The following F2 variants were observed in gnomAD, a reference collection of about 807,000 sequenced individuals.
The protein encoded by F2 is coagulation factor II, thrombin, also known as prothrombin.
A neutral mutation model predicts 81.9 loss-of-function variants in F2; 34 were observed. That is an observed-to-expected ratio of 0.42 (90% confidence interval 0.32 to 0.55). The LOEUF is 0.55. Ranked by LOEUF, F2 falls within the 20% of genes least tolerant of loss-of-function variation. The pLI, the probability that F2 is intolerant of heterozygous loss-of-function variation, is 0.18. For synonymous variants in F2, 296 were observed against 326.4 expected (o/e 0.91, Z 1.01); for missense variants, 630 against 833.4 (o/e 0.76, Z 3.00).
Position 46,728,172 on chromosome 11 carries a change from C to T in F2, c.1298+9C>T, listed in dbSNP as rs750185153. 2 of 1,604,832 alleles carry T rather than the reference C, an allele frequency of 1.2e-6. No individual in the cohort carries two copies. The highest frequency in any genetic ancestry group is 1.3e-5 in the African/African-American group (1 of 74,774). On this transcript the variant is annotated intron_variant, in intron 10 of 13. Transcript: ENST00000311907. The surrounding 1 kb of genome is among the most constrained non-coding windows in gnomAD (Gnocchi z 5.1). Reference sequence around the variant, plus strand: ...AAGCACTCCCGCACCAGGTACAGAACTGGTGGCCCGTGGGTGTCTGGCAGG... The same window carrying T: ...AAGCACTCCCGCACCAGGTACAGAATTGGTGGCCCGTGGGTGTCTGGCAGG...
intron 12 of F2, 142 bp downstream of exon 12, chr11:46,729,703 A>G (rs998400864): frequency 5.7e-6 from 5 of 879,154 alleles, no homozygotes; most frequent in Middle Eastern, 3.3e-4. Context: ...AAATGGAGGT[A>G]AAAGTCTCTA....
Position 46,719,891 on chromosome 11 carries a change from G to T in F2, c.240+29G>T. 1 of 1,550,506 alleles carries T rather than the reference G, an allele frequency of 6.4e-7. No individual in the cohort carries two copies. ...AGCCTGGGCTGCTCGGACGGTGCCGGGGCCTCAGACCGGGCCCAACTCTAG... is the reference window on the plus strand; with the variant it reads ...AGCCTGGGCTGCTCGGACGGTGCCGTGGCCTCAGACCGGGCCCAACTCTAG... On this transcript the variant is annotated intron_variant, in intron 2 of 13. Coordinates refer to ENST00000311907, the MANE Select transcript of F2 (RefSeq NM_000506.5). The surrounding 1 kb of genome is among the most constrained non-coding windows in gnomAD (Gnocchi z 4.7).
intron 2 of F2, chr11:46,720,261 C>A: frequency 1.7e-6 from 1 of 577,892 alleles, no homozygotes; most frequent in South Asian, 2.0e-5. Flanking sequence ...GTCTGTAGGG[C>A]TCTGCCAGGG....
rs199878860 is a variant in F2 at position 46,723,306 on chromosome 11, C to T, written c.422+21C>T. On this transcript the variant is annotated intron_variant, in intron 5 of 13. Coordinates refer to ENST00000311907, the MANE Select transcript of F2 (RefSeq NM_000506.5). The surrounding 1 kb of genome is among the most constrained non-coding windows in gnomAD (Gnocchi z 5.6). ...CCTGAGTGAGTGAGGGGCCGGCCTT[C>T]CCACCATGGGCTGAGAACAGGGAGC... The T allele has an allele frequency of 1.9e-5, 31 of 1,613,546 alleles. No individual in the cohort carries two copies. The Admixed American group carries it at 5.0e-4, about 26-fold the overall frequency.
intron 12 of F2, among the ~76,000 whole-genome samples, chr11:46,734,339 T>G (rs1227332753): frequency 6.6e-6 from 1 of 152,176 alleles, no homozygotes; most frequent in Non-Finnish European, 1.5e-5. Context: ...TCAATTTTTG[T>G]GAGTTCTTCG....
chr11:46,732,947 C>T (rs1177160085), intron 12 of F2, among the ~76,000 whole-genome samples: 1 of 152,174 alleles, frequency 6.6e-6, no homozygotes, highest in Non-Finnish European at 1.5e-5. Flanking sequence ...GATCTGGGTG[C>T]TGGCGTGTGC....
intron 12 of F2, among the ~76,000 whole-genome samples, chr11:46,734,708 G>A (rs965798822): frequency 6.6e-6 from 1 of 152,162 alleles, no homozygotes; most frequent in Admixed American, 6.5e-5. Flanking sequence ...CTACTCAGGA[G>A]ACTGAGGCTG....
chr11:46,739,199 C>G, intron 13 of F2, 66 bp from the exon 14 acceptor site: 2 of 1,613,604 alleles, frequency 1.2e-6, no homozygotes, highest in Non-Finnish European at 1.7e-6. Context: ...AAACAGTTGC[C>G]TGGCAGGGGA....
In F2 at chr11:46,727,412, GTTC is replaced by G. The variant is rs1482406635; in HGVS notation, c.1131-579_1131-577del. ...CGCACAGCTAATGGGTTTGAATCCA[GTTC>G]TTCTGATTCCAGAGCTGTGCTACGC... On this transcript the variant is annotated intron_variant, in intron 9 of 13. Coordinates refer to ENST00000311907, the MANE Select transcript of F2 (RefSeq NM_000506.5). Among the ~76,000 whole-genome samples, 11 of 152,344 alleles carry G rather than the reference GTTC, an allele frequency of 7.2e-5. No individual in the cohort carries two copies. The South Asian group carries it at 2.3e-3, about 32-fold the overall frequency.
At position 46,729,465 on chromosome 11, in the gene F2, C is replaced by CCT; in HGVS notation, c.1559_1560insTC (p.Ser521ProfsTer7). ...GACAGCCAACGTTGGTAAGGGGCAGCCCAGTGTCCTGCAGGTGGTGAACCT... is the reference window on the plus strand; with the variant it reads ...GACAGCCAACGTTGGTAAGGGGCAGCCTCCAGTGTCCTGCAGGTGGTGAACCT... On this transcript the variant is annotated frameshift_variant, in exon 12 of 14. Coordinates refer to ENST00000311907, the MANE Select transcript of F2 (RefSeq NM_000506.5). LOFTEE classifies it high-confidence loss of function. 2 of 1,614,130 alleles carry CCT rather than the reference C, an allele frequency of 1.2e-6. No individual in the cohort carries two copies. Among genetic ancestry groups the CCT allele is most frequent in the Non-Finnish European group, 1.7e-6 (2 of 1,180,010 alleles).
At chr11:46,732,072 C>T (rs1204131519) in intron 12 of F2, among the ~76,000 whole-genome samples, 9 of 151,806 alleles carry the variant, frequency 5.9e-5, no homozygotes, top group Admixed American at 5.9e-4. Flanking sequence ...TGTGCCACCA[C>T]ACCCAGCTAA....
At chr11:46,733,942 C>T (rs1170148156) in intron 12 of F2, among the ~76,000 whole-genome samples, 3 of 151,492 alleles carry the variant, frequency 2.0e-5, no homozygotes, top group African/African-American at 7.3e-5. Context: ...GCGCGAGTCA[C>T]CATGCCCGCT....
chr11:46,727,548 C>G (rs1489238388), intron 9 of F2, among the ~76,000 whole-genome samples: 1 of 152,016 alleles, frequency 6.6e-6, no homozygotes, highest in Admixed American at 6.6e-5. Flanking sequence ...GAGGCCAAGA[C>G]AGGAAGATCA....
intron 12 of F2, 80 bp from the exon 13 acceptor site, chr11:46,738,968 C>A (rs1422480277): frequency 6.9e-7 from 1 of 1,442,620 alleles, no homozygotes; most frequent in South Asian, 1.1e-5. Flanking sequence ...TAAGTGGACT[C>A]TCACCAGCTG....
At position 46,735,442 on chromosome 11, in the gene F2, A is replaced by C. The variant is rs976906140; in HGVS notation, c.1655-3606A>C. 3.7e-4 allele frequency among the ~76,000 whole-genome samples: 56 copies of C among 151,750 alleles called. 1 individual carries two copies. The highest frequency in any genetic ancestry group is 1.5e-5 in the Non-Finnish European group (1 of 67,954). On this transcript the variant is annotated intron_variant, in intron 12 of 13. Coordinates refer to ENST00000311907, the MANE Select transcript of F2 (RefSeq NM_000506.5). ...GCGACAGAGCAAGACTCCATCTCAA[A>C]AAAAAAAGGAAAAAGAAAATATTTT...
rs1008842166 is a variant in F2, at chr11:46,726,385, C to T, written c.875-113C>T. On this transcript the variant is annotated intron_variant, in intron 7 of 13. Coordinates refer to ENST00000311907, the MANE Select transcript of F2 (RefSeq NM_000506.5). The surrounding 1 kb of genome is among the most constrained non-coding windows in gnomAD (Gnocchi z 5.9). ...GCCTAGTAGCCCAACTGTGCATGCACGCTTAACCTCTGCACCAAATGGCCT... is the reference window on the plus strand; with the variant it reads ...GCCTAGTAGCCCAACTGTGCATGCATGCTTAACCTCTGCACCAAATGGCCT... The T allele has an allele frequency of 2.8e-5, 43 of 1,538,362 alleles. No homozygotes were observed. Among genetic ancestry groups the T allele is most frequent in the South Asian group, 6.0e-5 (5 of 83,680 alleles).
rs1160117677 is a variant in F2 at position 46,739,429 on chromosome 11, C to T, written c.*21C>T. The T allele has an allele frequency of 1.2e-6, 2 of 1,613,862 alleles. No homozygotes were observed. The highest frequency in any genetic ancestry group is 1.7e-6 in the Non-Finnish European group (2 of 1,179,938). On this transcript the variant is annotated 3_prime_UTR_variant, in exon 14 of 14. Coordinates refer to ENST00000311907, the MANE Select transcript of F2 (RefSeq NM_000506.5). ...AGTAGGGGGCCACTCATATTCTGGG[C>T]TCCTGGAACCAATCCCGTGAAAGAA... is the stretch of plus-strand genomic sequence containing the variant.
intron 9 of F2, among the ~76,000 whole-genome samples, chr11:46,727,637 G>C (rs2064882562): frequency 6.6e-6 from 1 of 152,072 alleles, no homozygotes; most frequent in Non-Finnish European, 1.5e-5. Flanking sequence ...AATTAGCCAG[G>C]TGTAGCAGCA....
intron 12 of F2, among the ~76,000 whole-genome samples, chr11:46,731,530 C>A (rs1457562137): frequency 6.6e-6 from 1 of 150,562 alleles, no homozygotes; most frequent in Non-Finnish European, 1.5e-5. Context: ...AATCTATAGA[C>A]CTTATTCAAA....
Sources: gnomAD v4.1 joint callset for allele counts (sites outside exome capture counted in the v4.1 genomes callset) on GRCh38, gnomAD v4.1.1 for gene constraint, Gnocchi (gnomAD v3.1) non-coding constraint, MANE v1.5 for transcripts, NCBI Gene and HGNC (gene_info 2026-07-23, HGNC 2026-07-21) for gene names.